Variants in HIRA observed in about 807,000 individuals in gnomAD.
The protein encoded by HIRA is histone cell cycle regulator.
Under a neutral mutation model 126.6 loss-of-function variants are expected in HIRA, and 13 were observed. That is an observed-to-expected ratio of 0.10 (90% CI 0.07 to 0.16). HIRA has a LOEUF of 0.16. Ranked by LOEUF, HIRA falls within the 10% of genes least tolerant of loss-of-function variation. The probability of loss-of-function intolerance (pLI) is 1.00; values close to 1 mark genes in which losing one functional copy is unlikely to be tolerated. For missense variants in HIRA, 834 were observed against 1,314.4 expected (o/e 0.63, Z 5.65); for synonymous variants, 511 against 520.0 (o/e 0.98, Z 0.24).
intron 1 of HIRA, among the ~76,000 whole-genome samples, chr22:19,417,240 C>T (rs1366988373): frequency 1.3e-5 from 2 of 151,896 alleles, no homozygotes; most frequent in African/African-American, 4.8e-5. Context: ...CACAAATAAC[C>T]AACAAGCACA....
intron 11 of HIRA, 148 bp from the exon 12 acceptor site, chr22:19,385,884 C>T: frequency 1.5e-6 from 1 of 681,940 alleles, no homozygotes; most frequent in Non-Finnish European, 2.5e-6. Flanking sequence ...CCATCCTATT[C>T]TGCCTGTCCC....
intron 5 of HIRA, 109 bp downstream of exon 5, chr22:19,405,677 G>T: frequency 3.3e-6 from 3 of 908,102 alleles, no homozygotes; most frequent in Non-Finnish European, 4.5e-6. Context: ...GGACAGCCCA[G>T]ACATAGGGCT....
At chr22:19,338,079 A>G (rs1293167374) in intron 24 of HIRA, among the ~76,000 whole-genome samples, 3 of 152,188 alleles carry the variant, frequency 2.0e-5, no homozygotes, top group African/African-American at 7.2e-5. Flanking sequence ...CGAATGAGCC[A>G]CTGCGCCTGG....
At chr22:19,413,503 C>A (rs2089370554) in intron 1 of HIRA, among the ~76,000 whole-genome samples, 1 of 152,128 alleles carries the variant, frequency 6.6e-6, no homozygotes, top group Admixed American at 6.6e-5. Context: ...TACACAGATA[C>A]CAGCGCAGTG....
intron 16 of HIRA, 26 bp from the exon 17 acceptor site, chr22:19,361,367 G>T (rs759268370): frequency 1.3e-6 from 2 of 1,594,118 alleles, no homozygotes; most frequent in Non-Finnish European, 1.7e-6. Context: ...ACGTTCCTGA[G>T]CCTTGCTCTA....
At position 19,390,323 on chromosome 22, in the gene HIRA, T is replaced by C. The variant is rs1601838949; in HGVS notation, c.937-1769A>G. ...TGAAGACACATCGGGCTGGGTGTGGTGGCTCACACCTGTAATCCCAGTACT... is the reference window on the plus strand; with the variant it reads ...TGAAGACACATCGGGCTGGGTGTGGCGGCTCACACCTGTAATCCCAGTACT... On this transcript the variant is annotated intron_variant, in intron 9 of 24. Transcript: ENST00000263208. 5.9e-5 allele frequency among the ~76,000 whole-genome samples: 9 copies of C among 152,212 alleles called. No individual in the cohort carries two copies. The South Asian group carries it at 1.9e-3, about 32-fold the overall frequency.
At position 19,392,095 on chromosome 22, in the gene HIRA, G is replaced by C. The variant is rs1414887564; in HGVS notation, c.936+6C>G. 1 of 1,552,010 alleles carries C rather than the reference G, an allele frequency of 6.4e-7. No individual in the cohort carries two copies. Among genetic ancestry groups the C allele is most frequent in the Non-Finnish European group, 8.8e-7 (1 of 1,131,488 alleles). Reference sequence around the variant, plus strand: ...CTGCAACAAAAGCTCAGGATAGCAGGCTCACCCAGACAGAAAGCGAGCGGT... The same window carrying C: ...CTGCAACAAAAGCTCAGGATAGCAGCCTCACCCAGACAGAAAGCGAGCGGT... On this transcript the variant is annotated splice_donor_region_variant and intron_variant, in intron 9 of 24. Transcript: ENST00000263208.
At chr22:19,374,659 T>C (rs1031974128) in intron 15 of HIRA, among the ~76,000 whole-genome samples, 2 of 152,194 alleles carry the variant, frequency 1.3e-5, no homozygotes, top group Non-Finnish European at 2.9e-5. Flanking sequence ...AGAGGTAGCA[T>C]GCTGTGGCTT....
In HIRA at chr22:19,375,638, C is replaced by T. The variant is rs758503476; in HGVS notation, c.1768G>A (p.Val590Met). Residue 590 changes from valine to methionine, a missense_variant, in exon 15 of 25, where the codon GTG (valine) becomes ATG (methionine). This residue lies in a region of HIRA where 468 missense variants were observed against 574.2 expected (regional missense o/e 0.82). Coordinates refer to ENST00000263208, the MANE Select transcript of HIRA (RefSeq NM_003325.4). ...PALTSMTPTA[V>M]ERLKEQNLVK... Reference sequence around the variant, plus strand: ...CCTGCAGCTACCACCTACCTTTCCACAGCTGTCGGAGTCATGCTGGTCAGG... The same window carrying T: ...CCTGCAGCTACCACCTACCTTTCCATAGCTGTCGGAGTCATGCTGGTCAGG... 6.2e-6 allele frequency: 10 copies of T among 1,614,138 alleles called. No homozygotes were observed. Among genetic ancestry groups the T allele is most frequent in the East Asian group, 2.2e-5 (1 of 44,886 alleles).
intron 17 of HIRA, among the ~76,000 whole-genome samples, chr22:19,360,387 G>T (rs1601816834): frequency 6.6e-6 from 1 of 152,196 alleles, no homozygotes; most frequent in Admixed American, 6.5e-5. Flanking sequence ...CCACTGGAGG[G>T]CCCCTGCCTC....
chr22:19,407,198 C>A lies in HIRA; in HGVS notation c.288G>T (p.Val96=). The A allele has an allele frequency of 6.2e-7, 1 of 1,613,566 alleles. No individual in the cohort carries two copies. The highest frequency in any genetic ancestry group is 8.5e-7 in the Non-Finnish European group (1 of 1,179,524). The change falls in exon 4 of 25, where the codon GTG becomes GTT. Residue 96 remains valine, a synonymous_variant. Coordinates refer to ENST00000263208, the MANE Select transcript of HIRA (RefSeq NM_003325.4). ...ATGATGCTTACGTAGCCCGCTTCCA[C>A]ACCATAATCAGTTTGTCATCTCCCC... is the stretch of plus-strand genomic sequence containing the variant. ...ASGGDDKLIM[V]WKRATYIGPS...
intron 21 of HIRA, 54 bp from the exon 22 acceptor site, chr22:19,354,172 C>CT: frequency 6.4e-7 from 1 of 1,566,246 alleles, no homozygotes; most frequent in South Asian, 1.2e-5. Context: ...ATCTGGTTGG[C>CT]CTCTTTGCCA....
chr22:19,369,557 G>A (rs144242713), intron 15 of HIRA, among the ~76,000 whole-genome samples: 1 of 152,164 alleles, frequency 6.6e-6, no homozygotes, highest in Non-Finnish European at 1.5e-5. Flanking sequence ...CTCTGAGGAA[G>A]TGGGGGACCT....
At chr22:19,373,885 G>C (rs1184180861) in intron 15 of HIRA, among the ~76,000 whole-genome samples, 1 of 92,536 alleles carries the variant, frequency 1.1e-5, no homozygotes, top group Non-Finnish European at 2.9e-5. Context: ...CCTCAGTCAA[G>C]ACCCCTAGCC....
intron 17 of HIRA, among the ~76,000 whole-genome samples, chr22:19,360,273 G>C (rs1288559198): frequency 6.6e-6 from 1 of 152,174 alleles, no homozygotes; most frequent in Non-Finnish European, 1.5e-5. Flanking sequence ...CTAGGGGAAG[G>C]GCTGGAGGAG....
chr22:19,426,048 A>G (rs1406202159), intron 1 of HIRA, among the ~76,000 whole-genome samples: 1 of 152,116 alleles, frequency 6.6e-6, no homozygotes, highest in Non-Finnish European at 1.5e-5. Flanking sequence ...AAGTAAATAA[A>G]TACATTCAGA....
chr22:19,426,118 C>T (rs2089486478), intron 1 of HIRA, among the ~76,000 whole-genome samples: 1 of 152,176 alleles, frequency 6.6e-6, no homozygotes, highest in African/African-American at 2.4e-5. Flanking sequence ...CTACCTCTAC[C>T]CTGTCTTTAG....
chr22:19,332,740 C>A (rs1601791512), intron 24 of HIRA, among the ~76,000 whole-genome samples: 1 of 134,232 alleles, frequency 7.4e-6, no homozygotes, highest in Non-Finnish European at 1.6e-5. Flanking sequence ...GAAAGAATGA[C>A]AAGCCAAGAC....
Position 19,361,324 on chromosome 22 carries a change from G to T in HIRA, c.1998C>A (p.Thr666=). 6.2e-7 allele frequency: 1 copy of T among 1,614,158 alleles called. No individual in the cohort carries two copies. Among genetic ancestry groups the T allele is most frequent in the South Asian group, 1.1e-5 (1 of 91,088 alleles). ...ACAGACACATGGCCTCCTTCTCTGC[G>T]GTTAGGGCAGCTGGAGACTGGAAGA... The part of the protein sequence containing the change: ...SLSVQSPAAL[T]AEKEAMCLSA... Residue 666 remains threonine (T), a synonymous_variant, in exon 17 of 25, where the codon ACC becomes ACA. Coordinates refer to ENST00000263208, the MANE Select transcript of HIRA (RefSeq NM_003325.4).
Sources: allele counts gnomAD v4.1 joint callset (sites outside exome capture counted in the v4.1 genomes callset), GRCh38; gene constraint gnomAD v4.1.1; regional missense constraint gnomAD v4.1.1; transcripts MANE v1.5; gene names NCBI Gene and HGNC (gene_info 2026-07-23, HGNC 2026-07-21).